Variants in KIFAP3 observed in about 807,000 individuals in gnomAD.
The protein encoded by KIFAP3 is kinesin-associated protein 3.
In KIFAP3, 68 loss-of-function variants were observed where a neutral mutation model predicts 106.5. The ratio of observed to expected loss-of-function variants is 0.64; its 90% confidence interval spans 0.53 to 0.78. The LOEUF (loss-of-function observed/expected upper bound fraction) is 0.78, where lower values mean the gene tolerates loss of function less well. KIFAP3 is among the 30% of genes least tolerant of loss of function. The pLI is 0.00. For missense variants in KIFAP3, 780 were observed against 941.8 expected, an observed-to-expected ratio of 0.83 and a Z score of 2.25; for synonymous variants, 320 against 311.5, an observed-to-expected ratio of 1.03 and a Z score of -0.29.
At chr1:170,062,641 A>G (rs556439561) in intron 1 of KIFAP3, among the ~76,000 whole-genome samples, 3 of 152,220 alleles carry the variant, frequency 2.0e-5, no homozygotes, top group African/African-American at 7.2e-5. Flanking sequence ...ACTTTTTTCC[A>G]TAGAAACAAC....
intron 19 of KIFAP3, 95 bp from the exon 20 acceptor site, chr1:169,921,876 C>A: frequency 1.1e-6 from 1 of 894,824 alleles, no homozygotes; most frequent in Non-Finnish European, 1.8e-6. Context: ...CCAAGATTCT[C>A]TTCCTAGCAG....
At chr1:170,045,429 G>C (rs1051390322) in intron 3 of KIFAP3, among the ~76,000 whole-genome samples, 1 of 152,080 alleles carries the variant, frequency 6.6e-6, no homozygotes, top group Non-Finnish European at 1.5e-5. Context: ...ATTCCTTATG[G>C]AAAAGTTTCT....
chr1:169,962,116 T>C (rs1409965380), intron 17 of KIFAP3, among the ~76,000 whole-genome samples: 1 of 152,118 alleles, frequency 6.6e-6, no homozygotes, highest in East Asian at 1.9e-4. Context: ...GCTAAAATGG[T>C]TTACTAAAGA....
intron 15 of KIFAP3, among the ~76,000 whole-genome samples, chr1:169,979,860 CA>C (rs376663702): frequency 0.018 from 2,785 of 152,178 alleles, 71 homozygotes; most frequent in African/African-American, 0.062. Flanking sequence ...TCCTCCCCCC[CA>C]CAAAAACCTA....
intron 11 of KIFAP3, among the ~76,000 whole-genome samples, chr1:169,989,149 T>C (rs1181104129): frequency 1.3e-5 from 2 of 152,018 alleles, no homozygotes; most frequent in African/African-American, 2.4e-5. Context: ...GTATACACAG[T>C]TTTAAATTGC....
At chr1:169,938,108 T>A (rs555926986) in intron 19 of KIFAP3, among the ~76,000 whole-genome samples, 57 of 152,100 alleles carry the variant, frequency 3.7e-4, no homozygotes, top group African/African-American at 1.3e-3. Context: ...ACTTGTAATA[T>A]TGGGACATTA....
intron 3 of KIFAP3, chr1:170,041,935 A>G: frequency 8.5e-7 from 1 of 1,179,462 alleles, no homozygotes; most frequent in Non-Finnish European, 1.1e-6. Flanking sequence ...ATTTCGTTTC[A>G]GTTATGAAAC....
intron 10 of KIFAP3, among the ~76,000 whole-genome samples, chr1:170,002,401 G>A (rs1485250448): frequency 6.6e-6 from 1 of 152,114 alleles, no homozygotes; most frequent in Non-Finnish European, 1.5e-5. Context: ...TAACATTACT[G>A]ACTAAAAATT....
intron 5 of KIFAP3, among the ~76,000 whole-genome samples, chr1:170,037,547 C>T (rs568251886): frequency 8.0e-5 from 12 of 150,748 alleles, no homozygotes; most frequent in Admixed American, 2.0e-4. Context: ...CTGACCAATA[C>T]GGTGAAACCC....
chr1:169,952,249 T>C (rs1664766635), intron 19 of KIFAP3, among the ~76,000 whole-genome samples: 1 of 152,042 alleles, frequency 6.6e-6, no homozygotes, highest in African/African-American at 2.4e-5. Flanking sequence ...TTACATTTCA[T>C]GTAATACTCC....
At chr1:170,082,004 G>A (rs571577066) in intron 1 of KIFAP3, among the ~76,000 whole-genome samples, 7 of 152,126 alleles carry the variant, frequency 4.6e-5, no homozygotes, top group Non-Finnish European at 1.0e-4. Context: ...ATGCAAAATG[G>A]TACAACCTTT....
Position 169,961,130 on chromosome 1 carries a change from G to A in KIFAP3, c.2089C>T (p.Gln697Ter). The change falls in exon 18 of 20, where the codon CAG (glutamine) becomes TAG (stop). Residue 697 changes from glutamine (Q) to a stop codon, truncating the protein, a stop_gained. Coordinates refer to ENST00000361580, the MANE Select transcript of KIFAP3 (RefSeq NM_014970.4). LOFTEE classifies it high-confidence loss of function. ...ATTCGATCATCACCATACAAGTACT[G>A]CTCACTCTCATCCATCTGACGACTC... is the stretch of plus-strand genomic sequence containing the variant. ...VESRQMDESE[Q>*]YLYGDDRIEP... 6.2e-7 allele frequency: 1 copy of A among 1,613,470 alleles called. No homozygotes were observed. The highest frequency in any genetic ancestry group is 8.5e-7 in the Non-Finnish European group (1 of 1,179,610).
intron 19 of KIFAP3, among the ~76,000 whole-genome samples, chr1:169,933,863 C>T (rs1663634637): frequency 6.6e-6 from 1 of 152,090 alleles, no homozygotes; most frequent in South Asian, 2.1e-4. Context: ...TACTTCAAAA[C>T]TAGAATATCT....
chr1:170,010,314 T>C (rs1199063466), intron 10 of KIFAP3, among the ~76,000 whole-genome samples: 1 of 151,976 alleles, frequency 6.6e-6, no homozygotes, highest in Non-Finnish European at 1.5e-5. Context: ...CAGCATGAGA[T>C]AGAAAATTTA....
At chr1:170,030,230 G>C (rs1442538599) in intron 8 of KIFAP3, among the ~76,000 whole-genome samples, 1 of 151,744 alleles carries the variant, frequency 6.6e-6, no homozygotes, top group African/African-American at 2.4e-5. Context: ...ATAAAGAATG[G>C]ATACAAAACT....
chr1:169,921,626 C>G lies in KIFAP3; in HGVS notation c.*50G>C. 2 of 1,431,960 alleles carry G rather than the reference C, an allele frequency of 1.4e-6. No individual in the cohort carries two copies. The highest frequency in any genetic ancestry group is 2.0e-6 in the Non-Finnish European group (2 of 1,018,804). 88.7% of individuals were successfully genotyped at this position (1,431,960 alleles called of 1,614,324 possible). On this transcript the variant is annotated 3_prime_UTR_variant, in exon 20 of 20. Coordinates refer to ENST00000361580, the MANE Select transcript of KIFAP3 (RefSeq NM_014970.4). ...GGCAAAGATCCAAAATTAACCCAAC[C>G]CACACAGATTTCTTCTAAGCTGAGA...
chr1:169,968,865 AAC>A (rs1208359712), intron 17 of KIFAP3, among the ~76,000 whole-genome samples: 1 of 151,868 alleles, frequency 6.6e-6, no homozygotes, highest in African/African-American at 2.4e-5. Context: ...ACAGGTAGGA[AAC>A]ACACACATTT....
intron 10 of KIFAP3, 32 bp from the exon 11 acceptor site, chr1:169,992,287 TA>T: frequency 8.3e-7 from 1 of 1,203,068 alleles, no homozygotes; most frequent in South Asian, 1.5e-5. Flanking sequence ...GATGATGCTA[TA>T]AATATATATT....
intron 19 of KIFAP3, among the ~76,000 whole-genome samples, chr1:169,939,068 C>G (rs185666716): frequency 6.6e-5 from 10 of 152,140 alleles, no homozygotes; most frequent in African/African-American, 2.4e-4. Context: ...ATTGAAGGCA[C>G]GTGAGAGACG....
Sources: gnomAD v4.1 joint callset for allele counts (sites outside exome capture counted in the v4.1 genomes callset) on GRCh38, gnomAD v4.1.1 for gene constraint, MANE v1.5 for transcripts, NCBI Gene and HGNC (gene_info 2026-07-23, HGNC 2026-07-21) for gene names.